ATRNL1: variants seen among roughly 807,000 people sequenced by gnomAD.
The protein encoded by ATRNL1 is attractin like 1.
In ATRNL1, 95 loss-of-function variants were observed where a neutral mutation model predicts 182.7. That is an observed-to-expected ratio of 0.52 (90% CI 0.44 to 0.62). The LOEUF (loss-of-function observed/expected upper bound fraction) is 0.62. Among genes scored for constraint, ATRNL1 ranks in the 20% least tolerant of loss-of-function variants. The probability of loss-of-function intolerance (pLI) is 0.00; values close to 1 mark genes in which losing one functional copy is unlikely to be tolerated. For missense variants in ATRNL1, 1,471 were observed against 1,679.5 expected, an observed-to-expected ratio of 0.88 and a Z score of 2.17; for synonymous variants, 576 against 568.3, an observed-to-expected ratio of 1.01 and a Z score of -0.19.
At chr10:115,628,863 A>T (rs1371870110) in intron 26 of ATRNL1, among the ~76,000 whole-genome samples, 1 of 152,144 alleles carries the variant, frequency 6.6e-6, no homozygotes, top group Non-Finnish European at 1.5e-5. Flanking sequence ...TTTTGCACCA[A>T]TCTAATATAT....
chr10:115,664,256 G>T (rs1330693608), intron 26 of ATRNL1, among the ~76,000 whole-genome samples: 1 of 152,170 alleles, frequency 6.6e-6, no homozygotes, highest in Non-Finnish European at 1.5e-5. Flanking sequence ...GGCTGAGTCA[G>T]ATATTCAGAA....
At chr10:115,579,350 T>C (rs1222040117) in intron 26 of ATRNL1, among the ~76,000 whole-genome samples, 2 of 151,868 alleles carry the variant, frequency 1.3e-5, no homozygotes, top group South Asian at 2.1e-4. Context: ...GTTTGCTTTA[T>C]ATGTTTATAT....
intron 20 of ATRNL1, among the ~76,000 whole-genome samples, chr10:115,416,263 A>G (rs537940083): frequency 1.3e-5 from 2 of 152,210 alleles, no homozygotes; most frequent in East Asian, 1.9e-4. Context: ...TTATGTTTTT[A>G]TAGAAAGTAT....
At chr10:115,161,519 C>G (rs1846781813) in intron 6 of ATRNL1, among the ~76,000 whole-genome samples, 1 of 151,694 alleles carries the variant, frequency 6.6e-6, no homozygotes, top group African/African-American at 2.4e-5. Context: ...GTGATATTTC[C>G]AAAGTCGAGT....
chr10:115,533,088 G>A (rs143438571), intron 25 of ATRNL1, among the ~76,000 whole-genome samples: 27,839 of 125,436 alleles, frequency 0.22, 3,045 homozygotes, highest in South Asian at 0.32. Context: ...GTCTCTGCCC[G>A]GCTTTGGTAT....
intron 20 of ATRNL1, among the ~76,000 whole-genome samples, chr10:115,417,193 A>G (rs989063362): frequency 6.6e-6 from 1 of 152,190 alleles, no homozygotes. Flanking sequence ...GCCTGCAACT[A>G]AAATCATCTT....
intron 27 of ATRNL1, chr10:115,820,240 T>G (rs781936627): frequency 1.3e-5 from 2 of 152,142 alleles, no homozygotes; most frequent in Non-Finnish European, 2.9e-5. Context: ...TTTCATTCTG[T>G]CCCACATAAG....
chr10:115,708,268 G>A lies in ATRNL1; in HGVS notation c.3796-18980G>A, dbSNP rs553047931. ...AGTGTTGTCAATACTGTAATAGAAA[G>A]AAAATGAGAATAAAAGTAACACTAT... On this transcript the variant is annotated intron_variant, in intron 26 of 28. Coordinates refer to ENST00000355044, the MANE Select transcript of ATRNL1 (RefSeq NM_207303.4). Among the ~76,000 whole-genome samples the A allele has an allele frequency of 2.1e-3, 313 of 151,566 alleles. 1 individual carries two copies. Among genetic ancestry groups the A allele is most frequent in the Non-Finnish European group, 2.9e-3 (198 of 67,618 alleles).
intron 28 of ATRNL1, among the ~76,000 whole-genome samples, chr10:115,889,645 C>T (rs952724731): frequency 1.3e-5 from 2 of 152,204 alleles, no homozygotes; most frequent in Non-Finnish European, 2.9e-5. Flanking sequence ...TACAGGCATT[C>T]TTATCACAGA....
intron 24 of ATRNL1, among the ~76,000 whole-genome samples, chr10:115,497,808 C>T (rs901329370): frequency 2.6e-5 from 4 of 152,024 alleles, no homozygotes; most frequent in Non-Finnish European, 5.9e-5. Flanking sequence ...GGGGCATGTG[C>T]CACCATGTCC....
chr10:115,927,700 A>G (rs1436191310), intron 28 of ATRNL1, among the ~76,000 whole-genome samples: 2 of 152,126 alleles, frequency 1.3e-5, no homozygotes, highest in African/African-American at 4.8e-5. Context: ...TCACAGAGAT[A>G]CAAACTTGTA....
intron 27 of ATRNL1, among the ~76,000 whole-genome samples, chr10:115,841,671 C>G (rs1339874134): frequency 6.6e-6 from 1 of 152,084 alleles, no homozygotes; most frequent in Non-Finnish European, 1.5e-5. Flanking sequence ...AATATGAATT[C>G]TTCTCCTTCC....
At chr10:115,630,417 G>A (rs2133827958) in intron 26 of ATRNL1, among the ~76,000 whole-genome samples, 1 of 152,044 alleles carries the variant, frequency 6.6e-6, no homozygotes, top group South Asian at 2.1e-4. Context: ...TAGTGAGAGT[G>A]TCAACAGGTA....
chr10:115,439,428 G>A (rs1431703861), intron 21 of ATRNL1, among the ~76,000 whole-genome samples: 1 of 151,736 alleles, frequency 6.6e-6, no homozygotes, highest in Non-Finnish European at 1.5e-5. Flanking sequence ...TGGCCCAATA[G>A]TGGAAATACT....
At chr10:115,273,343 C>A (rs916697275) in intron 13 of ATRNL1, among the ~76,000 whole-genome samples, 1 of 152,200 alleles carries the variant, frequency 6.6e-6, no homozygotes, top group African/African-American at 2.4e-5. Context: ...GCTGATGTCA[C>A]GTTTTGGTAA....
chr10:115,105,027 G>C (rs1362388266), intron 1 of ATRNL1, among the ~76,000 whole-genome samples: 1 of 151,578 alleles, frequency 6.6e-6, no homozygotes, highest in Non-Finnish European at 1.5e-5. Flanking sequence ...GAATGGCTTT[G>C]GCTATTCTGG....
At position 115,237,296 on chromosome 10, in the gene ATRNL1, T is replaced by C. The variant is rs879951762; in HGVS notation, c.1533-4275T>C. On this transcript the variant is annotated intron_variant, in intron 9 of 28. Coordinates refer to ENST00000355044, the MANE Select transcript of ATRNL1 (RefSeq NM_207303.4). ...ATTCCTGGATGGTATGGTAAAGTTA[T>C]GTTTAGTTTTGTGAGAAACTGCCAA... is the stretch of plus-strand genomic sequence containing the variant. Among the ~76,000 whole-genome samples the C allele has an allele frequency of 9.2e-5, 14 of 152,340 alleles. 2 individuals carry two copies. The highest frequency in any genetic ancestry group is 9.1e-4 in the Admixed American group (14 of 15,302).
At chr10:115,665,451 G>A (rs192118594) in intron 26 of ATRNL1, among the ~76,000 whole-genome samples, 35 of 152,100 alleles carry the variant, frequency 2.3e-4, no homozygotes, top group South Asian at 2.1e-4. Flanking sequence ...ACAGACCTGC[G>A]TAAGTATTTA....
chr10:115,461,098 A>G (rs1427788438), intron 21 of ATRNL1, among the ~76,000 whole-genome samples: 1 of 152,150 alleles, frequency 6.6e-6, no homozygotes, highest in Non-Finnish European at 1.5e-5. Flanking sequence ...AGTTAATGTA[A>G]TTTAATCTGT....
Sources: allele counts gnomAD v4.1 joint callset (sites outside exome capture counted in the v4.1 genomes callset), GRCh38; gene constraint gnomAD v4.1.1; transcripts MANE v1.5; gene names NCBI Gene and HGNC (gene_info 2026-07-23, HGNC 2026-07-21).